The following PELI2 variants were observed in gnomAD, a reference collection of about 807,000 sequenced individuals.
PELI2 encodes the protein pellino E3 ubiquitin protein ligase family member 2, also known as E3 ubiquitin-protein ligase pellino homolog 2.
Under a neutral mutation model 42.3 loss-of-function variants are expected in PELI2, and 23 were observed. The observed-to-expected ratio is 0.54, with a 90% CI of 0.39 to 0.77. The LOEUF is 0.77. Ranked by LOEUF, PELI2 falls within the 30% of genes least tolerant of loss-of-function variation. The probability of loss-of-function intolerance (pLI) is 0.00; values close to 1 mark genes in which losing one functional copy is unlikely to be tolerated. For missense variants in PELI2, 463 were observed against 553.2 expected (o/e 0.84, Z 1.64); for synonymous variants, 245 against 212.2 (o/e 1.15, Z -1.34).
chr14:56,168,569 G>C (rs945173324), intron 1 of PELI2, among the ~76,000 whole-genome samples: 6 of 152,110 alleles, frequency 3.9e-5, no homozygotes, highest in Non-Finnish European at 7.3e-5. Context: ...CCTCAGGGCA[G>C]TGGGGTCCCC....
intron 2 of PELI2, among the ~76,000 whole-genome samples, chr14:56,271,255 G>A (rs934979993): frequency 1.3e-5 from 2 of 152,292 alleles, no homozygotes; most frequent in South Asian, 2.1e-4. Context: ...GCTCATAAAT[G>A]TGCAGCTTTC....
intron 2 of PELI2, among the ~76,000 whole-genome samples, chr14:56,181,439 G>T (rs1885576716): frequency 6.7e-6 from 1 of 148,996 alleles, no homozygotes; most frequent in South Asian, 2.1e-4. Context: ...GGCCTGAAAT[G>T]ACAGTGGTTT....
intron 1 of PELI2, among the ~76,000 whole-genome samples, chr14:56,168,841 G>T (rs1016555795): frequency 6.6e-6 from 1 of 152,032 alleles, no homozygotes; most frequent in Non-Finnish European, 1.5e-5. Context: ...GTAGTACCTG[G>T]GTATCACTGC....
intron 2 of PELI2, among the ~76,000 whole-genome samples, chr14:56,246,514 G>A (rs1888166433): frequency 6.6e-6 from 1 of 152,164 alleles, no homozygotes; most frequent in Non-Finnish European, 1.5e-5. Flanking sequence ...GCCTCTCCGA[G>A]CCTCTGCATT....
chr14:56,168,268 C>A (rs937925214), intron 1 of PELI2, among the ~76,000 whole-genome samples: 2 of 152,200 alleles, frequency 1.3e-5, no homozygotes, highest in African/African-American at 4.8e-5. Context: ...AGCGTGCCCC[C>A]CCCCAGACCC....
chr14:56,272,655 T>C (rs1314706088), intron 2 of PELI2, among the ~76,000 whole-genome samples: 3 of 152,248 alleles, frequency 2.0e-5, no homozygotes, highest in Admixed American at 2.0e-4. Flanking sequence ...CAGATACTTT[T>C]TGTAGTCTAT....
chr14:56,254,303 G>T (rs1384790814), intron 2 of PELI2, among the ~76,000 whole-genome samples: 1 of 151,664 alleles, frequency 6.6e-6, no homozygotes, highest in Non-Finnish European at 1.5e-5. Context: ...GAAGGCTGGG[G>T]CAGGAGAATT....
intron 1 of PELI2, among the ~76,000 whole-genome samples, chr14:56,151,904 A>G (rs967502721): frequency 6.6e-6 from 1 of 152,166 alleles, no homozygotes; most frequent in Non-Finnish European, 1.5e-5. Context: ...AATTTAGTAG[A>G]TGTTTCCTTT....
chr14:56,238,730 C>T (rs750015448), intron 2 of PELI2, among the ~76,000 whole-genome samples: 35 of 152,152 alleles, frequency 2.3e-4, no homozygotes, highest in Non-Finnish European at 4.4e-4. Context: ...ACTAATTGTA[C>T]AGAGACACGA....
At chr14:56,276,748 C>G (rs543741653) in intron 2 of PELI2, among the ~76,000 whole-genome samples, 75 of 152,270 alleles carry the variant, frequency 4.9e-4, no homozygotes, top group Admixed American at 1.3e-3. Flanking sequence ...CTTTTTTAAT[C>G]TAAAAGACAC....
At chr14:56,163,567 G>A (rs1220616408) in intron 1 of PELI2, among the ~76,000 whole-genome samples, 1 of 151,834 alleles carries the variant, frequency 6.6e-6, no homozygotes, top group Non-Finnish European at 1.5e-5. Context: ...GTCTTTTGTT[G>A]CTCTGTATAC....
At chr14:56,267,004 T>G (rs191394409) in intron 2 of PELI2, among the ~76,000 whole-genome samples, 1 of 152,178 alleles carries the variant, frequency 6.6e-6, no homozygotes, top group African/African-American at 2.4e-5. Context: ...GTGTATACTG[T>G]GCTGGTATAG....
chr14:56,295,082 G>A (rs954053143), intron 5 of PELI2, among the ~76,000 whole-genome samples: 3 of 147,456 alleles, frequency 2.0e-5, no homozygotes, highest in Admixed American at 6.8e-5. Context: ...GAGTGCCATC[G>A]AGTCTAATTT....
chr14:56,119,257 G>T (rs1882972765), intron 1 of PELI2: 1 of 152,106 alleles, frequency 6.6e-6, no homozygotes, highest in African/African-American at 2.4e-5. Context: ...AGCTTGGGCC[G>T]CCGCGGGCTG....
chr14:56,289,318 G>A (rs1465605022), intron 4 of PELI2, among the ~76,000 whole-genome samples: 1 of 152,148 alleles, frequency 6.6e-6, no homozygotes, highest in Non-Finnish European at 1.5e-5. Context: ...CTTGCCTTCT[G>A]CCTCCCGTGG....
At chr14:56,185,792 T>C (rs1418213605) in intron 2 of PELI2, among the ~76,000 whole-genome samples, 1 of 152,220 alleles carries the variant, frequency 6.6e-6, no homozygotes, top group Non-Finnish European at 1.5e-5. Context: ...TGTGTGTATG[T>C]ATTGATACTT....
intron 1 of PELI2, among the ~76,000 whole-genome samples, chr14:56,120,564 G>GT (rs1883025352): frequency 6.6e-6 from 1 of 152,190 alleles, no homozygotes; most frequent in Non-Finnish European, 1.5e-5. Flanking sequence ...GGAGACCAAA[G>GT]TATGACATAG....
intron 2 of PELI2, among the ~76,000 whole-genome samples, chr14:56,233,903 T>C (rs1358181762): frequency 6.6e-6 from 1 of 152,032 alleles, no homozygotes; most frequent in African/African-American, 2.4e-5. Context: ...TTAAACAAAT[T>C]TATAAGGGAA....
At chr14:56,158,334 C>A (rs1375413211) in intron 1 of PELI2, among the ~76,000 whole-genome samples, 2 of 150,928 alleles carry the variant, frequency 1.3e-5, no homozygotes, top group Non-Finnish European at 3.0e-5. Flanking sequence ...GCCCAAGATT[C>A]TTATTTTAAT....
Sources: allele counts gnomAD v4.1 joint callset (sites outside exome capture counted in the v4.1 genomes callset), GRCh38; gene constraint gnomAD v4.1.1; transcripts MANE v1.5; gene names NCBI Gene and HGNC (gene_info 2026-07-23, HGNC 2026-07-21).